Variants in CUX1 observed in about 807,000 individuals in gnomAD.
The protein encoded by CUX1 is cut like homeobox 1, also known as protein CASP.
A neutral mutation model predicts 158.8 loss-of-function variants in CUX1; 31 were observed. The ratio of observed to expected loss-of-function variants is 0.20; its 90% CI spans 0.15 to 0.26. CUX1 has a LOEUF of 0.26. CUX1 is among the 10% of genes least tolerant of loss of function. CUX1 has a pLI of 1.00. For synonymous variants in CUX1, 879 were observed against 862.1 expected (o/e 1.02, Z -0.34); for missense variants, 1,589 against 2,014.6 (o/e 0.79, Z 4.04).
At chr7:101,986,779 C>T (rs115018673) in intron 2 of CUX1, among the ~76,000 whole-genome samples, 3 of 152,184 alleles carry the variant, frequency 2.0e-5, no homozygotes, top group African/African-American at 7.2e-5. Context: ...ACTCCGGACC[C>T]TACCAGAGCA....
intron 4 of CUX1, among the ~76,000 whole-genome samples, chr7:102,071,047 C>T (rs1360781874): frequency 6.6e-6 from 1 of 152,186 alleles, no homozygotes; most frequent in East Asian, 1.9e-4. Context: ...CCTGCACCTC[C>T]CGGGCTCAAG....
chr7:102,167,802 G>A (rs531489974), intron 9 of CUX1, among the ~76,000 whole-genome samples: 14 of 152,114 alleles, frequency 9.2e-5, no homozygotes, highest in Admixed American at 2.0e-4. Context: ...TGATTAGGTC[G>A]GATGCAGTGG....
chr7:101,997,900 G>T lies in CUX1; in HGVS notation c.142-30198G>T, dbSNP rs1390004990. On this transcript the variant is annotated intron_variant, in intron 2 of 23. Transcript: ENST00000292535. ...CTGGACCCCACCCCAGTGCTGCTGG[G>T]CCCTGTGGGCACTCACAGAGCAGTC... 2.6e-5 allele frequency among the ~76,000 whole-genome samples: 4 copies of T among 152,186 alleles called. No individual in the cohort carries two copies. The South Asian group carries it at 8.3e-4, about 32-fold the overall frequency.
intron 6 of CUX1, among the ~76,000 whole-genome samples, chr7:102,108,795 C>T (rs1185770283): frequency 1.4e-5 from 2 of 146,532 alleles, no homozygotes; most frequent in East Asian, 1.9e-4. Flanking sequence ...CTCTCTGTCA[C>T]CTAGGCTGCA....
chr7:102,184,792 G>A (rs550149907), intron 11 of CUX1, among the ~76,000 whole-genome samples: 2 of 152,094 alleles, frequency 1.3e-5, no homozygotes, highest in Non-Finnish European at 2.9e-5. Flanking sequence ...AACTACAGGT[G>A]TGCACCACCA....
At chr7:102,283,469 T>C (rs1327371877) in exon 23 of CUX1, 5 of 253,806 alleles carry the variant, frequency 2.0e-5, no homozygotes, top group Non-Finnish European at 4.0e-5. Context: ...CTGTCTGCAC[T>C]GCGATCCTCT....
intron 9 of CUX1, among the ~76,000 whole-genome samples, chr7:102,163,116 C>G (rs1294993826): frequency 1.3e-5 from 2 of 152,116 alleles, no homozygotes; most frequent in Non-Finnish European, 1.5e-5. Context: ...GAGAATATTT[C>G]CAGCAGGAAA....
chr7:102,085,439 G>A (rs1287427622), intron 4 of CUX1, among the ~76,000 whole-genome samples: 1 of 152,132 alleles, frequency 6.6e-6, no homozygotes, highest in Non-Finnish European at 1.5e-5. Context: ...AATCATGGGG[G>A]TGGTTATCCC....
intron 15 of CUX1, chr7:102,274,196 G>A (rs1258069504): frequency 1.9e-5 from 30 of 1,554,878 alleles, no homozygotes; most frequent in Non-Finnish European, 2.6e-5. Context: ...GGAATATTCC[G>A]TGCCCATTGT....
chr7:101,935,440 A>T (rs1400896231), intron 2 of CUX1, among the ~76,000 whole-genome samples: 1 of 152,144 alleles, frequency 6.6e-6, no homozygotes, highest in Non-Finnish European at 1.5e-5. Context: ...AGTGAAAGAG[A>T]CTGCCATTCA....
chr7:101,958,893 C>A (rs1033135086), intron 2 of CUX1, among the ~76,000 whole-genome samples: 10 of 120,758 alleles, frequency 8.3e-5, no homozygotes, highest in Non-Finnish European at 1.1e-4. Flanking sequence ...ATTGCCCTGT[C>A]GCCCAAGCTG....
At chr7:101,852,932 C>G (rs1796425952) in intron 1 of CUX1, among the ~76,000 whole-genome samples, 1 of 152,128 alleles carries the variant, frequency 6.6e-6, no homozygotes, top group Non-Finnish European at 1.5e-5. Flanking sequence ...CCTGCCTCGT[C>G]CTCCCAAAGT....
chr7:101,945,217 A>T (rs1487939043), intron 2 of CUX1, among the ~76,000 whole-genome samples: 1 of 152,132 alleles, frequency 6.6e-6, no homozygotes, highest in Non-Finnish European at 1.5e-5. Flanking sequence ...GCCTGTGTGC[A>T]GCGGCTTCCA....
chr7:102,252,569 G>A lies in CUX1; in HGVS notation c.*3527G>A. ...TAAGGCTTTTGCCATTAACTTAGCT[G>A]GCTAAGCAGAGGCTCGGGGTAAAAT... is the stretch of plus-strand genomic sequence containing the variant. On this transcript the variant is annotated 3_prime_UTR_variant, in exon 24 of 24. Transcript: ENST00000292535. 2 of 985,446 alleles carry A rather than the reference G, an allele frequency of 2.0e-6. No homozygotes were observed. The highest frequency in any genetic ancestry group is 4.7e-5 in the South Asian group (1 of 21,290). 61.0% of individuals were successfully genotyped at this position (985,446 alleles called of 1,614,324 possible). A position where few individuals can be genotyped will look rare whatever the true frequency, so the allele number is the denominator to read the frequency against.
chr7:101,859,280 A>G (rs1033256740), intron 1 of CUX1, among the ~76,000 whole-genome samples: 2 of 152,348 alleles, frequency 1.3e-5, no homozygotes, highest in Admixed American at 1.3e-4. Flanking sequence ...CGATGTCTCA[A>G]ATGCCATTTC....
chr7:102,245,506 A>T (rs1554536575), intron 23 of CUX1, among the ~76,000 whole-genome samples: 1 of 152,162 alleles, frequency 6.6e-6, no homozygotes, highest in African/African-American at 2.4e-5. Flanking sequence ...TCCCCACCCC[A>T]GCCTTAGGGC....
At chr7:101,942,765 C>T (rs1232937846) in intron 2 of CUX1, among the ~76,000 whole-genome samples, 1 of 152,234 alleles carries the variant, frequency 6.6e-6, no homozygotes, top group African/African-American at 2.4e-5. Context: ...CCGCAGGCCT[C>T]CCAGACTCTG....
chr7:102,133,629 C>A (rs1833569813), intron 8 of CUX1, among the ~76,000 whole-genome samples: 1 of 151,968 alleles, frequency 6.6e-6, no homozygotes. Context: ...GCATGTGCCA[C>A]CACACCCAGA....
chr7:102,030,689 G>GTGTTTTTTTTTTTTTGTTTTT (rs1554459461), intron 3 of CUX1, among the ~76,000 whole-genome samples: 19 of 82,532 alleles, frequency 2.3e-4, no homozygotes, highest in African/African-American at 9.1e-4. Context: ...ATTTTAAAAA[G>GTGTTTTTTTTTTTTTGTTTTT]TGTTTTTTTT....
Sources: allele counts gnomAD v4.1 joint callset (sites outside exome capture counted in the v4.1 genomes callset), GRCh38; gene constraint gnomAD v4.1.1; transcripts MANE v1.5; gene names NCBI Gene and HGNC (gene_info 2026-07-23, HGNC 2026-07-21).